The following OVCA2 variants were observed in gnomAD, a reference collection of about 807,000 sequenced individuals.
The protein encoded by OVCA2 is esterase OVCA2.
A neutral mutation model predicts 10.1 loss-of-function variants in OVCA2; 14 were observed. That is an observed-to-expected ratio of 1.39 (90% CI 0.92 to 2.17). The LOEUF is 2.17. Among genes scored for constraint, OVCA2 ranks in the 30% most tolerant of loss-of-function variants. The pLI, the probability that OVCA2 is intolerant of heterozygous loss-of-function variation, is 0.00. For synonymous variants in OVCA2, 201 were observed against 134.1 expected, an observed-to-expected ratio of 1.50 and a Z score of -3.45; for missense variants, 376 against 300.5, an observed-to-expected ratio of 1.25 and a Z score of -1.86.
rs957526159 is a variant in OVCA2, at chr17:2,043,262, C to T, written c.*158C>T. 3 of 905,302 alleles carry T rather than the reference C, an allele frequency of 3.3e-6. No individual in the cohort carries two copies. The highest frequency in any genetic ancestry group is 1.7e-5 in the South Asian group (1 of 58,370). 56.1% of individuals were successfully genotyped at this position (905,302 alleles called of 1,614,324 possible). ...TTCTTGAGACCCAAATTATAAGGGC[C>T]CTGCCCTGTACTGAAGAAAAGGGGA... On this transcript the variant is annotated 3_prime_UTR_variant, in exon 2 of 2. Coordinates refer to ENST00000572195, the MANE Select transcript of OVCA2 (RefSeq NM_080822.3).
At chr17:2,042,333 C>A in intron 1 of OVCA2, 102 bp downstream of exon 1, 1 of 1,373,352 alleles carries the variant, frequency 7.3e-7, no homozygotes, top group Non-Finnish European at 9.4e-7. Flanking sequence ...ACCCGCATTC[C>A]TCCCACCCAG....
In OVCA2 at chr17:2,042,233, TGA is replaced by T; in HGVS notation, c.184+5_184+6del. ...CCGAGGGCGCCAGATCAGACTTCGGTGAGACAAGCCCCGCTCCGGAAACGCAC... is the reference window on the plus strand; with the variant it reads ...CCGAGGGCGCCAGATCAGACTTCGGTGACAAGCCCCGCTCCGGAAACGCAC... On this transcript the variant is annotated splice_donor_region_variant and intron_variant, in intron 1 of 1. Transcript: ENST00000572195. 1 of 1,421,538 alleles carries T rather than the reference TGA, an allele frequency of 7.0e-7. No homozygotes were observed. The highest frequency in any genetic ancestry group is 3.0e-5 in the Admixed American group (1 of 33,178). 88.1% of individuals were successfully genotyped at this position (1,421,538 alleles called of 1,614,324 possible).
At chr17:2,042,444 T>TA in intron 1 of OVCA2, 161 bp from the exon 2 acceptor site, 1 of 1,285,110 alleles carries the variant, frequency 7.8e-7, no homozygotes, top group Non-Finnish European at 1.0e-6. Context: ...TGTCTCCTGT[T>TA]CAGGCCAATC....
At position 2,042,061 on chromosome 17, in the gene OVCA2, G is replaced by C. The variant is rs778062059; in HGVS notation, c.14G>C (p.Arg5Pro). The C allele has an allele frequency of 2.6e-6, 4 of 1,540,242 alleles. No homozygotes were observed. In the East Asian group the frequency reaches 7.2e-5, roughly 28 times the overall value. The change falls in exon 1 of 2, where the codon CGA (arginine) becomes CCA (proline). Residue 5 changes from arginine (R) to proline (P), a missense_variant. Physicochemically the swap from Arg to Pro is moderately radical, Grantham distance 103. Transcript: ENST00000572195. MAAQ[R>P]PLRVLCLAGF... ...TTGCCGGGCATAATGGCCGCGCAGC[G>C]ACCCCTGCGGGTCCTGTGCCTGGCG...
Position 2,042,911 on chromosome 17 carries a change from A to G in OVCA2, c.491A>G (p.Gln164Arg), listed in dbSNP as rs1260757704. The G allele has an allele frequency of 6.2e-7, 1 of 1,614,162 alleles. No homozygotes were observed. Among genetic ancestry groups the G allele is most frequent in the Admixed American group, 1.7e-5 (1 of 60,020 alleles). Reference sequence around the variant, plus strand: ...ATTGGGTTCAAGGAATCCATCCTGCAAAGGCCCTTGTCATTGCCTTCGCTC... The same window carrying G: ...ATTGGGTTCAAGGAATCCATCCTGCGAAGGCCCTTGTCATTGCCTTCGCTC... ...RGIGFKESIL[Q>R]RPLSLPSLHV... Residue 164 changes from glutamine to arginine, a missense_variant, in exon 2 of 2, where the codon CAA becomes CGA. By Grantham distance (43) the Gln-to-Arg change is conservative. Coordinates refer to ENST00000572195, the MANE Select transcript of OVCA2 (RefSeq NM_080822.3).
rs1217885306 is a variant in OVCA2 at position 2,042,908 on chromosome 17, T to C, written c.488T>C (p.Leu163Pro). ...GGCATTGGGTTCAAGGAATCCATCC[T>C]GCAAAGGCCCTTGTCATTGCCTTCG... ...PRGIGFKESI[L>P]QRPLSLPSLH... Residue 163 changes from leucine (L) to proline (P), a missense_variant, in exon 2 of 2, where the codon CTG (leucine) becomes CCG (proline). Physicochemically the swap from Leu to Pro is moderately conservative, Grantham distance 98. Coordinates refer to ENST00000572195, the MANE Select transcript of OVCA2 (RefSeq NM_080822.3). The C allele has an allele frequency of 1.2e-6, 2 of 1,614,092 alleles. No homozygotes were observed. The highest frequency in any genetic ancestry group is 2.7e-5 in the African/African-American group (2 of 74,942).
At position 2,043,194 on chromosome 17, in the gene OVCA2, T is replaced by G; in HGVS notation, c.*90T>G. 1 of 1,424,682 alleles carries G rather than the reference T, an allele frequency of 7.0e-7. No homozygotes were observed. Among genetic ancestry groups the G allele is most frequent in the Non-Finnish European group, 9.5e-7 (1 of 1,047,644 alleles). 88.3% of individuals were successfully genotyped at this position (1,424,682 alleles called of 1,614,324 possible). A position where few individuals can be genotyped will look rare whatever the true frequency, so the allele number is the denominator to read the frequency against. On this transcript the variant is annotated 3_prime_UTR_variant, in exon 2 of 2. Coordinates refer to ENST00000572195, the MANE Select transcript of OVCA2 (RefSeq NM_080822.3). The stretch of plus-strand genomic sequence containing the variant: ...CCTCCCAGGACCCTCCACTCACTGC[T>G]GTGAGTGCGCCTCACCAGAACCAGT...
At chr17:2,042,485 A>G in intron 1 of OVCA2, 120 bp from the exon 2 acceptor site, 1 of 1,379,312 alleles carries the variant, frequency 7.2e-7, no homozygotes, top group Non-Finnish European at 9.5e-7. Context: ...TTTCCCCCAG[A>G]CTTTTGCCTC....
intron 1 of OVCA2, 74 bp from the exon 2 acceptor site, chr17:2,042,531 T>A: frequency 2.0e-6 from 3 of 1,484,142 alleles, no homozygotes; most frequent in Non-Finnish European, 2.7e-6. Flanking sequence ...CGAACCCTCC[T>A]GCCCTTTCTC....
In OVCA2 at chr17:2,043,192, G is replaced by C. The variant is rs867338899; in HGVS notation, c.*88G>C. ...GCCCTCCCAGGACCCTCCACTCACT[G>C]CTGTGAGTGCGCCTCACCAGAACCA... On this transcript the variant is annotated 3_prime_UTR_variant, in exon 2 of 2. Coordinates refer to ENST00000572195, the MANE Select transcript of OVCA2 (RefSeq NM_080822.3). 4 of 1,453,366 alleles carry C rather than the reference G, an allele frequency of 2.8e-6. No homozygotes were observed. The highest frequency in any genetic ancestry group is 3.7e-4 in the Middle Eastern group (2 of 5,382). The allele number at this position is 1,453,366 out of a possible 1,614,324, so 90.0% of individuals were successfully genotyped here. A position where few individuals can be genotyped will look rare whatever the true frequency, so the allele number is the denominator to read the frequency against.
chr17:2,043,172 C>A lies in OVCA2; in HGVS notation c.*68C>A. The A allele has an allele frequency of 2.0e-6, 3 of 1,534,766 alleles. No homozygotes were observed. The highest frequency in any genetic ancestry group is 2.6e-6 in the Non-Finnish European group (3 of 1,133,168). ...GGGCAGCCTCCGTCATCCATGCCCTCCCAGGACCCTCCACTCACTGCTGTG... is the reference window on the plus strand; with the variant it reads ...GGGCAGCCTCCGTCATCCATGCCCTACCAGGACCCTCCACTCACTGCTGTG... On this transcript the variant is annotated 3_prime_UTR_variant, in exon 2 of 2. Coordinates refer to ENST00000572195, the MANE Select transcript of OVCA2 (RefSeq NM_080822.3).
intron 1 of OVCA2, 140 bp downstream of exon 1, chr17:2,042,371 T>C: frequency 8.8e-7 from 1 of 1,133,880 alleles, no homozygotes; most frequent in Non-Finnish European, 1.2e-6. Context: ...TCGCGACCCA[T>C]ACCCTCTTTG....
At chr17:2,042,494 T>G in intron 1 of OVCA2, 111 bp from the exon 2 acceptor site, 1 of 1,427,700 alleles carries the variant, frequency 7.0e-7, no homozygotes, top group Non-Finnish European at 9.2e-7. Context: ...GACTTTTGCC[T>G]CGATTCCCTT....
In OVCA2 at chr17:2,043,000, T is replaced by C. The variant is rs2067573763; in HGVS notation, c.580T>C (p.Phe194Leu). 3.1e-6 allele frequency: 5 copies of C among 1,613,960 alleles called. No homozygotes were observed. The highest frequency in any genetic ancestry group is 4.2e-6 in the Non-Finnish European group (5 of 1,180,028). Residue 194 changes from phenylalanine (F) to leucine (L), a missense_variant, in exon 2 of 2, where the codon TTT becomes CTT. Physicochemically the swap from Phe to Leu is conservative, Grantham distance 22. Transcript: ENST00000572195. The stretch of plus-strand genomic sequence containing the variant: ...GGAGAGTGTGCAACTGGCCAGCCAA[T>C]TTCCCGGAGCCATCACCCTCACCCA... ...SQESVQLASQ[F>L]PGAITLTHSG...
chr17:2,042,602 T>C lies in OVCA2; in HGVS notation c.185-3T>C. The C allele has an allele frequency of 1.3e-6, 2 of 1,514,844 alleles. No individual in the cohort carries two copies. Among genetic ancestry groups the C allele is most frequent in the Non-Finnish European group, 1.8e-6 (2 of 1,133,790 alleles). The allele number at this position is 1,514,844 out of a possible 1,614,324, so 93.8% of individuals were successfully genotyped here. A position where few individuals can be genotyped will look rare whatever the true frequency, so the allele number is the denominator to read the frequency against. ...CCCATCCTTTTTCCTCATATCGCTG[T>C]AGGGTCCTGCCCTCCGGAGGAGCAG... On this transcript the variant is annotated splice_polypyrimidine_tract_variant and splice_region_variant and intron_variant, in intron 1 of 1. Coordinates refer to ENST00000572195, the MANE Select transcript of OVCA2 (RefSeq NM_080822.3).
Position 2,043,294 on chromosome 17 carries a change from G to T in OVCA2, c.*190G>T. On this transcript the variant is annotated 3_prime_UTR_variant, in exon 2 of 2. Coordinates refer to ENST00000572195, the MANE Select transcript of OVCA2 (RefSeq NM_080822.3). ...TGTACTGAAGAAAAGGGGAGCACAA[G>T]GCCTTAATGGACATTGACTTGTGAA... 1.5e-6 allele frequency: 1 copy of T among 660,188 alleles called. No individual in the cohort carries two copies. The highest frequency in any genetic ancestry group is 2.2e-5 in the South Asian group (1 of 44,598). 40.9% of individuals were successfully genotyped at this position (660,188 alleles called of 1,614,324 possible).
chr17:2,042,597 CGCTGTAGGGTCCT>C lies in OVCA2; in HGVS notation c.185-5_192del. On this transcript the variant is annotated splice_acceptor_variant and splice_polypyrimidine_tract_variant and coding_sequence_variant and intron_variant, in exon 2 of 2. Transcript: ENST00000572195. LOFTEE classifies it high-confidence loss of function. ...CTAATCCCATCCTTTTTCCTCATAT[CGCTGTAGGGTCCT>C]GCCCTCCGGAGGAGCAGCCTCGAGG... 1 of 1,510,462 alleles carries C rather than the reference CGCTGTAGGGTCCT, an allele frequency of 6.6e-7. No homozygotes were observed. Among genetic ancestry groups the C allele is most frequent in the Non-Finnish European group, 8.8e-7 (1 of 1,131,382 alleles). The allele number at this position is 1,510,462 out of a possible 1,614,324, so 93.6% of individuals were successfully genotyped here.
intron 1 of OVCA2, 79 bp downstream of exon 1, chr17:2,042,310 C>T: frequency 1.4e-6 from 2 of 1,393,120 alleles, no homozygotes; most frequent in Non-Finnish European, 1.9e-6. Flanking sequence ...TCAGCATCCC[C>T]CACCCTGCGT....
rs748137510 is a variant in OVCA2, at chr17:2,043,239, C to A, written c.*135C>A. 129 of 1,102,238 alleles carry A rather than the reference C, an allele frequency of 1.2e-4. No homozygotes were observed. Among genetic ancestry groups the A allele is most frequent in the Non-Finnish European group, 1.5e-4 (114 of 776,976 alleles). The allele number at this position is 1,102,238 out of a possible 1,614,324, so 68.3% of individuals were successfully genotyped here. Reference sequence around the variant, plus strand: ...ACCAGTTAAGAGACAACTATCAATTCTTGAGACCCAAATTATAAGGGCCCT... The same window carrying A: ...ACCAGTTAAGAGACAACTATCAATTATTGAGACCCAAATTATAAGGGCCCT... On this transcript the variant is annotated 3_prime_UTR_variant, in exon 2 of 2. Coordinates refer to ENST00000572195, the MANE Select transcript of OVCA2 (RefSeq NM_080822.3).
Sources: gnomAD v4.1 joint callset for allele counts on GRCh38, gnomAD v4.1.1 for gene constraint, MANE v1.5 for transcripts, NCBI Gene and HGNC (gene_info 2026-07-23, HGNC 2026-07-21) for gene names.